Variants in SYNPR observed in about 807,000 individuals in gnomAD.
The protein encoded by SYNPR is synaptoporin.
SYNPR carries 23 observed loss-of-function variants against 32.9 expected under a neutral mutation model. The ratio of observed to expected loss-of-function variants is 0.70; its 90% CI spans 0.50 to 0.99. The LOEUF (loss-of-function observed/expected upper bound fraction) is 0.99. Ranked by LOEUF, SYNPR falls within the 50% of genes least tolerant of loss-of-function variation. The pLI is 0.00. For missense variants in SYNPR, 318 were observed against 349.3 expected, an observed-to-expected ratio of 0.91 and a Z score of 0.71; for synonymous variants, 146 against 135.9, an observed-to-expected ratio of 1.07 and a Z score of -0.52.
At chr3:63,254,207 T>C (rs2367768) in intron 2 of SYNPR, among the ~76,000 whole-genome samples, 11,841 of 152,136 alleles carry the variant, frequency 0.078, 1,338 homozygotes, top group African/African-American at 0.25. Flanking sequence ...TTAGGAGATA[T>C]ACCTAATGTT....
At chr3:63,441,801 C>T (rs1392901881) in intron 2 of SYNPR, among the ~76,000 whole-genome samples, 2 of 152,120 alleles carry the variant, frequency 1.3e-5, no homozygotes, top group East Asian at 1.9e-4. Flanking sequence ...ACAAGCGGAT[C>T]GAAAGAGATG....
chr3:63,233,729 C>A (rs1202006648), intron 1 of SYNPR, among the ~76,000 whole-genome samples: 1 of 152,040 alleles, frequency 6.6e-6, no homozygotes, highest in Non-Finnish European at 1.5e-5. Flanking sequence ...GAGTTGTCTC[C>A]CAGGCTGTGT....
intron 2 of SYNPR, among the ~76,000 whole-genome samples, chr3:63,400,861 C>A (rs769231753): frequency 6.6e-6 from 1 of 152,050 alleles, no homozygotes; most frequent in Non-Finnish European, 1.5e-5. Context: ...GCAGAGCAAT[C>A]TAAATTAATT....
At position 63,440,787 on chromosome 3, in the gene SYNPR, C is replaced by T. The variant is rs145617204; in HGVS notation, c.85-40045C>T. On this transcript the variant is annotated intron_variant, in intron 2 of 5. Transcript: ENST00000478300. ...ACAGCCAGGGTCACAGAGCAAACCG[C>T]TAGCAAACCCAAGACTGAGCCTCAT... Among the ~76,000 whole-genome samples, 223 of 152,254 alleles carry T rather than the reference C, an allele frequency of 1.5e-3. 4 individuals carry two copies. The East Asian group carries it at 0.033, about 23-fold the overall frequency.
intron 3 of SYNPR, among the ~76,000 whole-genome samples, chr3:63,526,345 T>C (rs7617487): frequency 6.6e-6 from 1 of 152,064 alleles, no homozygotes; most frequent in Admixed American, 6.5e-5. Flanking sequence ...GTGCATTATA[T>C]CATTTACATT....
In SYNPR at chr3:63,278,743, G is replaced by C. The variant is rs1230596732; in HGVS notation, c.84+1G>C. On this transcript the variant is annotated splice_donor_variant, in intron 2 of 5. Transcript: ENST00000478300. LOFTEE classifies it high-confidence loss of function. ...TGCCTTCCTGCGAGCCCTGGAATTG[G>C]TGAGTAGCAGTGTGTGTGCAGGGAG... is the stretch of plus-strand genomic sequence containing the variant. The C allele has an allele frequency of 6.4e-7, 1 of 1,551,610 alleles. No homozygotes were observed. The highest frequency in any genetic ancestry group is 1.2e-5 in the South Asian group (1 of 84,058).
At chr3:63,436,607 T>G (rs1010594663) in intron 2 of SYNPR, among the ~76,000 whole-genome samples, 13 of 152,090 alleles carry the variant, frequency 8.5e-5, no homozygotes, top group African/African-American at 3.1e-4. Flanking sequence ...TGAAAGCACT[T>G]AATGATCTGG....
At chr3:63,467,873 G>A (rs1305702737) in intron 2 of SYNPR, among the ~76,000 whole-genome samples, 2 of 152,086 alleles carry the variant, frequency 1.3e-5, no homozygotes, top group African/African-American at 4.8e-5. Context: ...CATCATGTCT[G>A]AGAGGTTCAA....
At chr3:63,424,529 C>A (rs899567851) in intron 2 of SYNPR, among the ~76,000 whole-genome samples, 1 of 152,080 alleles carries the variant, frequency 6.6e-6, no homozygotes, top group Non-Finnish European at 1.5e-5. Context: ...GGCTCAATAA[C>A]AATTACTTAT....
intron 3 of SYNPR, among the ~76,000 whole-genome samples, chr3:63,537,130 T>A (rs1702223540): frequency 6.6e-6 from 1 of 152,074 alleles, no homozygotes; most frequent in Non-Finnish European, 1.5e-5. Context: ...GTTAATTTTA[T>A]CTCCATAAAG....
At chr3:63,415,370 C>G (rs1036799291) in intron 2 of SYNPR, among the ~76,000 whole-genome samples, 1 of 151,050 alleles carries the variant, frequency 6.6e-6, no homozygotes, top group African/African-American at 2.4e-5. Flanking sequence ...GCAAATCTGG[C>G]CAAAAATTTG....
chr3:63,354,192 A>T (rs2087545834), intron 2 of SYNPR, among the ~76,000 whole-genome samples: 1 of 152,208 alleles, frequency 6.6e-6, no homozygotes, highest in Non-Finnish European at 1.5e-5. Context: ...AGAACATCAA[A>T]ACAATGATCA....
At chr3:63,601,044 G>A (rs1004170279) in intron 4 of SYNPR, among the ~76,000 whole-genome samples, 8 of 152,178 alleles carry the variant, frequency 5.3e-5, no homozygotes, top group Admixed American at 2.6e-4. Flanking sequence ...AGGCCGAGGT[G>A]GGCAGATCAC....
At position 63,351,405 on chromosome 3, in the gene SYNPR, G is replaced by C. The variant is rs139193162; in HGVS notation, c.84+72663G>C. The C allele has an allele frequency of 2.0e-5, 3 of 152,300 alleles. No individual in the cohort carries two copies. In the East Asian group the frequency reaches 5.8e-4, roughly 29 times the overall value. The allele number at this position is 152,300 out of a possible 1,614,324, so 9.4% of individuals were successfully genotyped here. ...AATCAAGTGTGAGTGCACCCTAGTA[G>C]GGAATCATTCTAGCTCGCTTTCCCG... On this transcript the variant is annotated intron_variant, in intron 2 of 5. Coordinates refer to ENST00000478300, the MANE Select transcript of SYNPR (RefSeq NM_001130003.2).
At chr3:63,438,784 G>A (rs1402436254) in intron 2 of SYNPR, among the ~76,000 whole-genome samples, 1 of 152,228 alleles carries the variant, frequency 6.6e-6, no homozygotes, top group Admixed American at 6.5e-5. Flanking sequence ...TAAGTGAATT[G>A]GATGTAAGTG....
At chr3:63,465,926 G>C (rs972476470) in intron 2 of SYNPR, among the ~76,000 whole-genome samples, 5 of 151,734 alleles carry the variant, frequency 3.3e-5, no homozygotes, top group Non-Finnish European at 7.4e-5. Context: ...TTTATTTTAA[G>C]CTCGGGGGTA....
At chr3:63,294,038 T>C (rs1266540599) in intron 2 of SYNPR, among the ~76,000 whole-genome samples, 2 of 152,226 alleles carry the variant, frequency 1.3e-5, no homozygotes, top group African/African-American at 2.4e-5. Flanking sequence ...ATATTGTGAA[T>C]TGTTTTTCTA....
chr3:63,457,964 C>A (rs1700515255), intron 2 of SYNPR, among the ~76,000 whole-genome samples: 1 of 152,076 alleles, frequency 6.6e-6, no homozygotes, highest in African/African-American at 2.4e-5. Context: ...AATTTTCTAA[C>A]CCTCTTCTTT....
chr3:63,397,987 T>C (rs2088239613), intron 2 of SYNPR, among the ~76,000 whole-genome samples: 1 of 152,230 alleles, frequency 6.6e-6, no homozygotes, highest in Non-Finnish European at 1.5e-5. Flanking sequence ...TGGAATCTCC[T>C]GTTACTCTTG....
Sources: allele counts gnomAD v4.1 joint callset (sites outside exome capture counted in the v4.1 genomes callset), GRCh38; gene constraint gnomAD v4.1.1; transcripts MANE v1.5; gene names NCBI Gene and HGNC (gene_info 2026-07-23, HGNC 2026-07-21).